LMBR1: variants seen among roughly 807,000 people sequenced by gnomAD.
LMBR1 encodes the protein limb region 1 protein homolog.
Under a neutral mutation model 73.9 loss-of-function variants are expected in LMBR1, and 52 were observed. The ratio of observed to expected loss-of-function variants is 0.70; its 90% CI spans 0.56 to 0.89. LMBR1 has a LOEUF of 0.89. Among genes scored for constraint, LMBR1 ranks in the 40% least tolerant of loss-of-function variants. The pLI is 0.00. For synonymous variants in LMBR1, 215 were observed against 209.4 expected (o/e 1.03, Z -0.23); for missense variants, 539 against 579.8 (o/e 0.93, Z 0.72).
intron 3 of LMBR1, among the ~76,000 whole-genome samples, chr7:156,829,899 AAAAT>A (rs1836372131): frequency 6.6e-6 from 1 of 152,196 alleles, no homozygotes; most frequent in Admixed American, 6.5e-5. Context: ...TGACCGGCCA[AAAAT>A]AAATATCCTC....
At chr7:156,815,055 C>T (rs11772756) in intron 4 of LMBR1, among the ~76,000 whole-genome samples, 9 of 150,136 alleles carry the variant, frequency 6.0e-5, no homozygotes, top group African/African-American at 2.2e-4. Flanking sequence ...ATTCGGGAGG[C>T]TGAGGCAGGA....
chr7:156,729,384 G>A (rs757947005), intron 10 of LMBR1, among the ~76,000 whole-genome samples: 1 of 150,990 alleles, frequency 6.6e-6, no homozygotes, highest in African/African-American at 2.4e-5. Context: ...GAATACTGAG[G>A]GCTATATTTG....
At chr7:156,763,294 T>A in intron 6 of LMBR1, 118 bp from the exon 7 acceptor site, 2 of 490,764 alleles carry the variant, frequency 4.1e-6, no homozygotes, top group Non-Finnish European at 7.1e-6. Context: ...TGTAATTGCC[T>A]ATTTTAGTTT....
chr7:156,759,215 T>C (rs950882183), intron 8 of LMBR1, among the ~76,000 whole-genome samples: 1 of 152,270 alleles, frequency 6.6e-6, no homozygotes, highest in Non-Finnish European at 1.5e-5. Flanking sequence ...TTTTTGATGG[T>C]AGTAGCATAG....
At chr7:156,750,946 C>CA (rs1302420527) in intron 9 of LMBR1, among the ~76,000 whole-genome samples, 1 of 151,938 alleles carries the variant, frequency 6.6e-6, no homozygotes, top group Non-Finnish European at 1.5e-5. Context: ...CTTGTCTCTA[C>CA]AAAAAACACA....
At chr7:156,804,146 TAATAA>T (rs940351315) in intron 4 of LMBR1, among the ~76,000 whole-genome samples, 5 of 152,010 alleles carry the variant, frequency 3.3e-5, no homozygotes, top group East Asian at 1.9e-4. Flanking sequence ...AGTAGAATAA[TAATAA>T]AATAAAATAA....
At chr7:156,889,181 G>C (rs1802464743) in intron 1 of LMBR1, among the ~76,000 whole-genome samples, 1 of 152,194 alleles carries the variant, frequency 6.6e-6, no homozygotes, top group Admixed American at 6.5e-5. Context: ...ACTGGGAATA[G>C]TCAGATTCAT....
chr7:156,858,703 A>T (rs941597154), intron 1 of LMBR1, among the ~76,000 whole-genome samples: 1 of 152,224 alleles, frequency 6.6e-6, no homozygotes, highest in African/African-American at 2.4e-5. Context: ...TATAAAAAGA[A>T]TTATATACCA....
intron 5 of LMBR1, among the ~76,000 whole-genome samples, chr7:156,767,544 G>C (rs1329655511): frequency 1.3e-5 from 2 of 151,826 alleles, no homozygotes; most frequent in Admixed American, 1.3e-4. Flanking sequence ...TGACAGCAGA[G>C]AAATTAAAGT....
rs185289890 is a variant in LMBR1 at position 156,791,344 on chromosome 7, T to C, written c.423+5045A>G. ...ATCAGTGGCAAAAAACGAGCAAAAA[T>C]AATGAAAGAATGCAATGAAAGCTCG... On this transcript the variant is annotated intron_variant, in intron 5 of 16. Coordinates refer to ENST00000353442, the MANE Select transcript of LMBR1 (RefSeq NM_022458.4). Among the ~76,000 whole-genome samples the C allele has an allele frequency of 4.7e-4, 72 of 152,056 alleles. No individual in the cohort carries two copies. The highest frequency in any genetic ancestry group is 7.5e-4 in the Non-Finnish European group (51 of 67,986).
intron 5 of LMBR1, among the ~76,000 whole-genome samples, chr7:156,767,832 C>T (rs552707773): frequency 6.6e-5 from 10 of 152,118 alleles, no homozygotes; most frequent in Non-Finnish European, 1.3e-4. Flanking sequence ...ACACAATTAA[C>T]TGTCTAAGAC....
intron 15 of LMBR1, among the ~76,000 whole-genome samples, chr7:156,708,930 C>T (rs906784455): frequency 2.0e-5 from 3 of 152,144 alleles, no homozygotes; most frequent in Non-Finnish European, 4.4e-5. Context: ...TATAACACAG[C>T]ACAGGTGGCC....
chr7:156,697,799 C>G (rs1808657065), intron 15 of LMBR1, among the ~76,000 whole-genome samples: 1 of 152,216 alleles, frequency 6.6e-6, no homozygotes, highest in Admixed American at 6.5e-5. Context: ...TCAATTTGTA[C>G]AGTTAACACA....
chr7:156,831,138 C>G (rs1167656068), intron 3 of LMBR1, among the ~76,000 whole-genome samples: 1 of 151,982 alleles, frequency 6.6e-6, no homozygotes. Context: ...CAAAGCAAAA[C>G]AAAACTAAAT....
In LMBR1 at chr7:156,731,576, T is replaced by C. The variant is rs1184991310; in HGVS notation, c.838+2601A>G. On this transcript the variant is annotated intron_variant, in intron 10 of 16. Transcript: ENST00000353442. Reference sequence around the variant, plus strand: ...CCAGAAGACAGTAGAACAACATCTTTCCAATGCTGATAGCTACCAAACAAA... The same window carrying C: ...CCAGAAGACAGTAGAACAACATCTTCCCAATGCTGATAGCTACCAAACAAA... 4.6e-5 allele frequency among the ~76,000 whole-genome samples: 7 copies of C among 152,308 alleles called. No homozygotes were observed. The East Asian group carries it at 1.3e-3, about 29-fold the overall frequency.
At position 156,859,669 on chromosome 7, in the gene LMBR1, G is replaced by A. The variant is rs377383277; in HGVS notation, c.67-22784C>T. Among the ~76,000 whole-genome samples the A allele has an allele frequency of 2.1e-4, 32 of 152,196 alleles. No homozygotes were observed. In the East Asian group the frequency reaches 2.5e-3, roughly 12 times the overall value. ...TTTTAAAAATATCTAAATTAATGGA[G>A]AGGTATTCCACATTCACAGAAGGAA... On this transcript the variant is annotated intron_variant, in intron 1 of 16. Coordinates refer to ENST00000353442, the MANE Select transcript of LMBR1 (RefSeq NM_022458.4).
intron 14 of LMBR1, among the ~76,000 whole-genome samples, chr7:156,724,619 C>T (rs1815309865): frequency 6.6e-6 from 1 of 151,982 alleles, no homozygotes; most frequent in Non-Finnish European, 1.5e-5. Flanking sequence ...CACCAGAAAT[C>T]CAAAACCTCT....
intron 1 of LMBR1, among the ~76,000 whole-genome samples, chr7:156,870,339 G>C (rs1167948935): frequency 6.6e-6 from 1 of 152,156 alleles, no homozygotes; most frequent in Non-Finnish European, 1.5e-5. Context: ...GCAAATTTAA[G>C]AAGGCTGAAA....
intron 5 of LMBR1, among the ~76,000 whole-genome samples, chr7:156,774,252 A>G (rs552295012): frequency 6.6e-6 from 1 of 152,328 alleles, no homozygotes; most frequent in South Asian, 2.1e-4. Context: ...GGGAATCCTC[A>G]TGTACTGCTG....
Sources: allele counts gnomAD v4.1 joint callset (sites outside exome capture counted in the v4.1 genomes callset), GRCh38; gene constraint gnomAD v4.1.1; transcripts MANE v1.5; gene names NCBI Gene and HGNC (gene_info 2026-07-23, HGNC 2026-07-21).